Variants in TRIM9 observed in about 807,000 individuals in gnomAD.
The protein encoded by TRIM9 is E3 ubiquitin-protein ligase TRIM9.
In TRIM9, 26 loss-of-function variants were observed where a neutral mutation model predicts 78.3. The ratio of observed to expected loss-of-function variants is 0.33; its 90% CI spans 0.24 to 0.46. The LOEUF is 0.46. Among genes scored for constraint, TRIM9 ranks in the 20% least tolerant of loss-of-function variants. The pLI is 1.00. For missense variants in TRIM9, 787 were observed against 1,036.4 expected, an observed-to-expected ratio of 0.76 and a Z score of 3.30; for synonymous variants, 398 against 416.5, an observed-to-expected ratio of 0.96 and a Z score of 0.54.
chr14:51,069,862 C>A (rs1470411969), intron 1 of TRIM9, among the ~76,000 whole-genome samples: 1 of 152,178 alleles, frequency 6.6e-6, no homozygotes, highest in African/African-American at 2.4e-5. Flanking sequence ...AAAATACAGT[C>A]AATCTCTATT....
chr14:51,007,855 TGAGA>T (rs2056037390), intron 5 of TRIM9, among the ~76,000 whole-genome samples: 1 of 149,198 alleles, frequency 6.7e-6, no homozygotes, highest in East Asian at 2.0e-4. Context: ...ATTAAAAGGC[TGAGA>T]GATGTACACA....
chr14:51,063,946 A>G (rs1049828894), intron 1 of TRIM9, among the ~76,000 whole-genome samples: 1 of 152,134 alleles, frequency 6.6e-6, no homozygotes, highest in African/African-American at 2.4e-5. Context: ...GTGTGTGTGT[A>G]TAATATATAA....
At chr14:50,987,917 C>T (rs1463449164) in intron 7 of TRIM9, among the ~76,000 whole-genome samples, 1 of 152,160 alleles carries the variant, frequency 6.6e-6, no homozygotes, top group African/African-American at 2.4e-5. Flanking sequence ...TCTTCAACCT[C>T]AGCCTCCAGA....
In TRIM9 at chr14:50,997,362, TC is replaced by T. The variant is rs556151935; in HGVS notation, c.1603+687del. 4.3e-5 allele frequency: 42 copies of T among 985,274 alleles called. No homozygotes were observed. In the East Asian group the frequency reaches 4.4e-3, roughly 104 times the overall value. The allele number at this position is 985,274 out of a possible 1,614,324, so 61.0% of individuals were successfully genotyped here. On this transcript the variant is annotated intron_variant, in intron 7 of 12. Coordinates refer to ENST00000684578, the MANE Select transcript of TRIM9 (RefSeq NM_001387360.1). ...CTAGAGATGAACCTTGTATGGTGGC[TC>T]TCGGTAGCCTAGCCAAGACTGAAGG... is the stretch of plus-strand genomic sequence containing the variant.
In TRIM9 at chr14:51,009,823, A is replaced by G. The variant is rs1490701044; in HGVS notation, c.1152+561T>C. ...TTGGAAGAGATCTACATGTTCCTTA[A>G]CAAAAGGTTCCTTATCATTGGGATC... On this transcript the variant is annotated intron_variant, in intron 4 of 12. Coordinates refer to ENST00000684578, the MANE Select transcript of TRIM9 (RefSeq NM_001387360.1). 7.2e-5 allele frequency among the ~76,000 whole-genome samples: 11 copies of G among 152,340 alleles called. No individual in the cohort carries two copies. In the South Asian group the frequency reaches 2.3e-3, roughly 32 times the overall value.
At chr14:51,067,839 C>A (rs1382490038) in intron 1 of TRIM9, among the ~76,000 whole-genome samples, 1 of 149,992 alleles carries the variant, frequency 6.7e-6, no homozygotes, top group Non-Finnish European at 1.5e-5. Context: ...ACAGCACCAG[C>A]CCTTACCTGA....
intron 1 of TRIM9, among the ~76,000 whole-genome samples, chr14:51,068,190 T>C (rs902447933): frequency 6.6e-6 from 1 of 152,150 alleles, no homozygotes; most frequent in African/African-American, 2.4e-5. Flanking sequence ...ACTGAACTAG[T>C]ATTTACTAAT....
Position 50,983,379 on chromosome 14 carries a change from C to T in TRIM9, c.1834+1G>A. ...AAGATAATTACAATAGGTATACTTGCCTAATTGAGAGTAAGGTGCAGATTG... is the reference window on the plus strand; with the variant it reads ...AAGATAATTACAATAGGTATACTTGTCTAATTGAGAGTAAGGTGCAGATTG... On this transcript the variant is annotated splice_donor_variant, in intron 9 of 12. Transcript: ENST00000684578. LOFTEE classifies it high-confidence loss of function. 1 of 1,539,246 alleles carries T rather than the reference C, an allele frequency of 6.5e-7. No homozygotes were observed. Among genetic ancestry groups the T allele is most frequent in the Non-Finnish European group, 8.8e-7 (1 of 1,139,962 alleles).
At chr14:50,992,379 A>G (rs543721916) in intron 7 of TRIM9, among the ~76,000 whole-genome samples, 1 of 151,592 alleles carries the variant, frequency 6.6e-6, no homozygotes, top group East Asian at 1.9e-4. Flanking sequence ...GGAGTTTGAG[A>G]CCGGGCTGGG....
At chr14:50,997,244 A>T (rs1048123516) in intron 7 of TRIM9, 3 of 985,304 alleles carry the variant, frequency 3.0e-6, no homozygotes, top group Non-Finnish European at 3.6e-6. Context: ...CAGAGGTTAT[A>T]TCTGGCCATC....
At chr14:51,023,496 A>T (rs1473829050) in intron 2 of TRIM9, among the ~76,000 whole-genome samples, 1 of 152,240 alleles carries the variant, frequency 6.6e-6, no homozygotes, top group African/African-American at 2.4e-5. Flanking sequence ...AGGCAGAAAA[A>T]AACAATCAAT....
At chr14:51,076,722 T>A (rs1324749761) in intron 1 of TRIM9, among the ~76,000 whole-genome samples, 2 of 152,124 alleles carry the variant, frequency 1.3e-5, no homozygotes, top group African/African-American at 2.4e-5. Context: ...TTCGCAACAG[T>A]CCTTGGTGAA....
intron 1 of TRIM9, among the ~76,000 whole-genome samples, chr14:51,079,049 A>G (rs529570288): frequency 6.6e-6 from 1 of 152,328 alleles, no homozygotes; most frequent in African/African-American, 2.4e-5. Flanking sequence ...ATAAAATAAA[A>G]TGCTCTTGAT....
At chr14:51,069,584 A>G (rs2062037600) in intron 1 of TRIM9, among the ~76,000 whole-genome samples, 1 of 152,220 alleles carries the variant, frequency 6.6e-6, no homozygotes, top group African/African-American at 2.4e-5. Context: ...GGCATGGTGA[A>G]GGCATGTGTT....
intron 9 of TRIM9, 74 bp from the exon 10 acceptor site, chr14:50,983,039 C>G (rs2052179974): frequency 4.2e-6 from 6 of 1,418,816 alleles, no homozygotes; most frequent in Middle Eastern, 1.8e-4. Context: ...GAAAATGTGT[C>G]TCTCTTGATA....
At chr14:51,040,081 C>T (rs551449226) in intron 1 of TRIM9, among the ~76,000 whole-genome samples, 4 of 152,268 alleles carry the variant, frequency 2.6e-5, no homozygotes, top group African/African-American at 9.6e-5. Flanking sequence ...TTGCACCCAG[C>T]CAAACTTTTA....
intron 3 of TRIM9, among the ~76,000 whole-genome samples, chr14:51,020,542 A>G (rs2057657984): frequency 6.6e-6 from 1 of 152,222 alleles, no homozygotes; most frequent in Non-Finnish European, 1.5e-5. Context: ...GTGGCCCCCA[A>G]ATGCATCCGC....
At chr14:51,005,802 C>A (rs185439836) in intron 5 of TRIM9, among the ~76,000 whole-genome samples, 1 of 152,168 alleles carries the variant, frequency 6.6e-6, no homozygotes. Context: ...AACCAGAAAA[C>A]GTGCCATTAC....
At position 50,979,638 on chromosome 14, in the gene TRIM9, A is replaced by C; in HGVS notation, c.2163-89T>G. On this transcript the variant is annotated intron_variant, in intron 11 of 12. Coordinates refer to ENST00000684578, the MANE Select transcript of TRIM9 (RefSeq NM_001387360.1). ...TGTGTGGTGAAACCAGTGTCTTGCA[A>C]CCTGTTTATAATCATCACTACCCCA... The C allele has an allele frequency of 7.1e-6, 8 of 1,121,428 alleles. No homozygotes were observed. The South Asian group carries it at 1.1e-4, about 16-fold the overall frequency. The allele number at this position is 1,121,428 out of a possible 1,614,324, so 69.5% of individuals were successfully genotyped here. A position where few individuals can be genotyped will look rare whatever the true frequency, so the allele number is the denominator to read the frequency against.
Sources: gnomAD v4.1 joint callset for allele counts (sites outside exome capture counted in the v4.1 genomes callset) on GRCh38, gnomAD v4.1.1 for gene constraint, MANE v1.5 for transcripts, NCBI Gene and HGNC (gene_info 2026-07-23, HGNC 2026-07-21) for gene names.